Variants in USP10 observed in about 807,000 individuals in gnomAD.
USP10 encodes the protein ubiquitin specific peptidase 10, also known as ubiquitin carboxyl-terminal hydrolase 10.
USP10 carries 22 observed loss-of-function variants against 84.5 expected under a neutral mutation model. The observed-to-expected ratio is 0.26, with a 90% confidence interval of 0.19 to 0.37. The LOEUF (loss-of-function observed/expected upper bound fraction) is 0.37. Among genes scored for constraint, USP10 ranks in the 10% least tolerant of loss-of-function variants. The pLI, the probability that USP10 is intolerant of heterozygous loss-of-function variation, is 1.00. For synonymous variants in USP10, 454 were observed against 387.6 expected, an observed-to-expected ratio of 1.17 and a Z score of -2.01; for missense variants, 1,019 against 998.9, an observed-to-expected ratio of 1.02 and a Z score of -0.27.
intron 10 of USP10, among the ~76,000 whole-genome samples, chr16:84,766,908 C>G (rs1913928031): frequency 6.6e-6 from 1 of 152,166 alleles, no homozygotes; most frequent in South Asian, 2.1e-4. Flanking sequence ...AACTCAGCCT[C>G]TTCAGATGTT....
At chr16:84,712,067 T>A (rs1906380538) in intron 1 of USP10, among the ~76,000 whole-genome samples, 1 of 152,180 alleles carries the variant, frequency 6.6e-6, no homozygotes, top group Non-Finnish European at 1.5e-5. Flanking sequence ...CTGTGCTTCG[T>A]TGCCCTTGCT....
chr16:84,740,305 G>T lies in USP10; in HGVS notation c.91-4G>T. 2 of 1,607,150 alleles carry T rather than the reference G, an allele frequency of 1.2e-6. No homozygotes were observed. The highest frequency in any genetic ancestry group is 2.2e-5 in the East Asian group (1 of 44,692). On this transcript the variant is annotated splice_region_variant and splice_polypyrimidine_tract_variant and intron_variant, in intron 2 of 13. Coordinates refer to ENST00000219473, the MANE Select transcript of USP10 (RefSeq NM_005153.3). ...TAAAATTTGTTTTCTGATTCCTTGTGCAGCTTCCTCCATACAGTGGAACAG... is the reference window on the plus strand; with the variant it reads ...TAAAATTTGTTTTCTGATTCCTTGTTCAGCTTCCTCCATACAGTGGAACAG...
At chr16:84,744,332 T>G (rs1910965278) in intron 3 of USP10, among the ~76,000 whole-genome samples, 1 of 152,194 alleles carries the variant, frequency 6.6e-6, no homozygotes, top group South Asian at 2.1e-4. Flanking sequence ...GGGGGGTATT[T>G]TTAAAATTGG....
At chr16:84,721,823 G>A (rs759725649) in intron 1 of USP10, among the ~76,000 whole-genome samples, 46 of 152,270 alleles carry the variant, frequency 3.0e-4, no homozygotes, top group Non-Finnish European at 5.4e-4. Context: ...TCAGCCTCTC[G>A]AGTAGCTGGG....
intron 4 of USP10, among the ~76,000 whole-genome samples, chr16:84,752,314 AAAG>A (rs1413447433): frequency 2.0e-5 from 3 of 152,214 alleles, no homozygotes; most frequent in Admixed American, 2.0e-4. Context: ...GATGAATTGA[AAAG>A]AAGGCTTCTG....
chr16:84,772,312 A>C (rs894170781), intron 11 of USP10, among the ~76,000 whole-genome samples: 1 of 152,022 alleles, frequency 6.6e-6, no homozygotes, highest in Non-Finnish European at 1.5e-5. Flanking sequence ...CAGCCTCCCA[A>C]AGTGCTGGGA....
chr16:84,716,650 G>A (rs1220094383), intron 1 of USP10: 1 of 152,188 alleles, frequency 6.6e-6, no homozygotes, highest in Non-Finnish European at 1.5e-5. Flanking sequence ...TGGGGGAAGA[G>A]GGAGCTGCCT....
In USP10 at chr16:84,772,532, G is replaced by C. The variant is rs370051516; in HGVS notation, c.1999-9G>C. ...GGGACGGTGTGTCCTGGTGTGCTTT[G>C]TGTCTTAGGTTGAGATAAGTCGAAG... On this transcript the variant is annotated splice_polypyrimidine_tract_variant and intron_variant, in intron 11 of 13. Coordinates refer to ENST00000219473, the MANE Select transcript of USP10 (RefSeq NM_005153.3). 6.2e-7 allele frequency: 1 copy of C among 1,613,386 alleles called. No individual in the cohort carries two copies. The highest frequency in any genetic ancestry group is 8.5e-7 in the Non-Finnish European group (1 of 1,179,748).
chr16:84,738,895 C>G (rs1910271088), intron 2 of USP10, among the ~76,000 whole-genome samples: 1 of 152,174 alleles, frequency 6.6e-6, no homozygotes, highest in Non-Finnish European at 1.5e-5. Context: ...TGAGACTTAC[C>G]TAGGAGCCTC....
At chr16:84,704,764 A>T (rs1395891186) in intron 1 of USP10, 2 of 1,535,214 alleles carry the variant, frequency 1.3e-6, no homozygotes, top group Admixed American at 3.9e-5. Flanking sequence ...TCCCATTTTC[A>T]TCAGATGACT....
chr16:84,779,191 T>G lies in USP10; in HGVS notation c.*109T>G. ...CTTTAGAGAGAAACTCTTTCTCCCT[T>G]TGCAAAAATGGGCTAGAATGAAAAG... On this transcript the variant is annotated 3_prime_UTR_variant, in exon 14 of 14. Transcript: ENST00000219473. The G allele has an allele frequency of 7.4e-7, 1 of 1,344,702 alleles. No homozygotes were observed. The highest frequency in any genetic ancestry group is 1.0e-6 in the Non-Finnish European group (1 of 996,184). 83.3% of individuals were successfully genotyped at this position (1,344,702 alleles called of 1,614,324 possible). A position where few individuals can be genotyped will look rare whatever the true frequency, so the allele number is the denominator to read the frequency against.
intron 3 of USP10, among the ~76,000 whole-genome samples, chr16:84,743,076 G>A (rs191558528): frequency 3.3e-5 from 5 of 152,316 alleles, no homozygotes; most frequent in African/African-American, 1.2e-4. Flanking sequence ...GACGGCCCCA[G>A]AACATCAGGG....
intron 1 of USP10, among the ~76,000 whole-genome samples, chr16:84,712,415 C>CT (rs1722048544): frequency 6.6e-6 from 1 of 152,212 alleles, no homozygotes. Flanking sequence ...TATGGTCTGG[C>CT]TGCCCCAGTG....
intron 1 of USP10, among the ~76,000 whole-genome samples, chr16:84,705,913 G>T (rs1300614610): frequency 6.6e-6 from 1 of 151,552 alleles, no homozygotes; most frequent in Non-Finnish European, 1.5e-5. Flanking sequence ...GTAGAAACGG[G>T]GTTTCACCAT....
At chr16:84,771,633 C>G (rs1212631899) in intron 11 of USP10, among the ~76,000 whole-genome samples, 1 of 152,220 alleles carries the variant, frequency 6.6e-6, no homozygotes, top group African/African-American at 2.4e-5. Context: ...CTTTGGGAGG[C>G]TGAGGCAGGT....
chr16:84,737,695 A>T (rs1393396399), intron 2 of USP10, among the ~76,000 whole-genome samples: 1 of 152,088 alleles, frequency 6.6e-6, no homozygotes, highest in Non-Finnish European at 1.5e-5. Flanking sequence ...TGGCAGTGTC[A>T]CCTGCTGGCA....
At chr16:84,750,826 C>G (rs1911842077) in intron 4 of USP10, among the ~76,000 whole-genome samples, 2 of 152,172 alleles carry the variant, frequency 1.3e-5, no homozygotes, top group Non-Finnish European at 2.9e-5. Context: ...AAACTGAGCT[C>G]TTGAACAGCT....
chr16:84,745,739 A>C, intron 4 of USP10, 66 bp downstream of exon 4: 1 of 1,488,178 alleles, frequency 6.7e-7, no homozygotes, highest in Non-Finnish European at 9.1e-7. Context: ...GGGCTTATAG[A>C]CTGTGGTGTT....
intron 3 of USP10, among the ~76,000 whole-genome samples, chr16:84,743,781 A>G (rs1910895629): frequency 6.6e-6 from 1 of 152,256 alleles, no homozygotes; most frequent in Non-Finnish European, 1.5e-5. Flanking sequence ...GGAATGAATT[A>G]TGTGGATTGT....
Sources: allele counts gnomAD v4.1 joint callset (sites outside exome capture counted in the v4.1 genomes callset), GRCh38; gene constraint gnomAD v4.1.1; transcripts MANE v1.5; gene names NCBI Gene and HGNC (gene_info 2026-07-23, HGNC 2026-07-21).